Variants in NEBL observed in about 807,000 individuals in gnomAD.
NEBL encodes LIM and SH3 protein 2.
A neutral mutation model predicts 140.2 loss-of-function variants in NEBL; 122 were observed. That is an observed-to-expected ratio of 0.87 (90% CI 0.75 to 1.01). The LOEUF (loss-of-function observed/expected upper bound fraction) is 1.01, where lower values mean the gene tolerates loss of function less well. Ranked by LOEUF, NEBL falls within the 50% of genes least tolerant of loss-of-function variation. The probability of loss-of-function intolerance (pLI) is 0.00; values close to 1 mark genes in which losing one functional copy is unlikely to be tolerated. For missense variants in NEBL, 1,365 were observed against 1,231.3 expected (o/e 1.11, Z -1.62); for synonymous variants, 436 against 398.9 (o/e 1.09, Z -1.11).
At chr10:21,030,844 G>A in intron 2 of NEBL, 2 of 335,200 alleles carry the variant, frequency 6.0e-6, no homozygotes, top group East Asian at 1.6e-4. Flanking sequence ...TCTCCATGCA[G>A]GGGTGGTATT....
At chr10:21,244,853 TA>T (rs1156472946) in intron 3 of NEBL, among the ~76,000 whole-genome samples, 7 of 150,734 alleles carry the variant, frequency 4.6e-5, no homozygotes, top group Non-Finnish European at 8.8e-5. Flanking sequence ...CTCTAAAAAA[TA>T]AAAGTAAAAA....
intron 3 of NEBL, among the ~76,000 whole-genome samples, chr10:21,241,287 A>AAAAT (rs1554834614): frequency 1.4e-5 from 2 of 145,724 alleles, no homozygotes; most frequent in Non-Finnish European, 3.0e-5. Flanking sequence ...TAAATAAATA[A>AAAAT]AAATAAAAAT....
chr10:21,027,455 G>A (rs1833558384), intron 2 of NEBL, among the ~76,000 whole-genome samples: 1 of 151,814 alleles, frequency 6.6e-6, no homozygotes, highest in South Asian at 2.1e-4. Context: ...AGCCTCCTGA[G>A]TAGCTGGGAC....
chr10:21,255,936 C>T (rs1034265080), intron 1 of NEBL, among the ~76,000 whole-genome samples: 3 of 149,578 alleles, frequency 2.0e-5, no homozygotes, highest in East Asian at 2.0e-4. Flanking sequence ...GAGCTGAGAT[C>T]GCACCACTGC....
At chr10:20,953,912 C>T (rs11012413) in intron 4 of NEBL, among the ~76,000 whole-genome samples, 25,638 of 151,406 alleles carry the variant, frequency 0.17, 2,656 homozygotes, top group East Asian at 0.34. Flanking sequence ...TAGGCATAAC[C>T]GATCTTGCAT....
chr10:21,070,751 A>G (rs1442294608), intron 2 of NEBL, among the ~76,000 whole-genome samples: 1 of 152,204 alleles, frequency 6.6e-6, no homozygotes, highest in Non-Finnish European at 1.5e-5. Flanking sequence ...CTGTGCTTGA[A>G]TTTCTTCAGG....
intron 1 of NEBL, among the ~76,000 whole-genome samples, chr10:21,291,554 G>A (rs1055433695): frequency 8.6e-5 from 13 of 151,028 alleles, no homozygotes; most frequent in African/African-American, 2.7e-4. Context: ...CAGAAGTCAC[G>A]TGTTATCCTT....
At chr10:21,248,145 G>A (rs995441873) in intron 2 of NEBL, 3 of 197,186 alleles carry the variant, frequency 1.5e-5, no homozygotes, top group East Asian at 1.2e-4. Flanking sequence ...ATCATGGCTC[G>A]CTGCCCCCTC....
intron 3 of NEBL, among the ~76,000 whole-genome samples, chr10:21,018,202 C>G (rs1360984157): frequency 6.6e-6 from 1 of 152,106 alleles, no homozygotes; most frequent in Non-Finnish European, 1.5e-5. Flanking sequence ...TCCTCAGACA[C>G]CCTATAAATT....
At chr10:20,817,154 C>G (rs538313294) in intron 21 of NEBL, among the ~76,000 whole-genome samples, 1 of 152,010 alleles carries the variant, frequency 6.6e-6, no homozygotes. Context: ...CCAAGGTGGC[C>G]GGATTGCATG....
chr10:20,964,373 A>G (rs1470210534), intron 3 of NEBL, among the ~76,000 whole-genome samples: 3 of 152,188 alleles, frequency 2.0e-5, no homozygotes, highest in African/African-American at 7.2e-5. Context: ...TATTTGGCTT[A>G]TGGTTCTGTA....
intron 2 of NEBL, among the ~76,000 whole-genome samples, chr10:21,122,478 C>T (rs1472760960): frequency 6.6e-6 from 1 of 152,164 alleles, no homozygotes; most frequent in African/African-American, 2.4e-5. Flanking sequence ...TATTTAGGCT[C>T]ACTTGATTAA....
intron 2 of NEBL, among the ~76,000 whole-genome samples, chr10:21,063,172 A>G (rs746085274): frequency 3.3e-5 from 5 of 152,070 alleles, no homozygotes; most frequent in Non-Finnish European, 5.9e-5. Context: ...TGGCACTTAA[A>G]TGGCCCTCTT....
chr10:21,207,130 C>T (rs1841840550), intron 3 of NEBL, among the ~76,000 whole-genome samples: 1 of 151,860 alleles, frequency 6.6e-6, no homozygotes, highest in South Asian at 2.1e-4. Flanking sequence ...CCCACTACCA[C>T]GCCTGGCTAA....
intron 3 of NEBL, among the ~76,000 whole-genome samples, chr10:20,993,113 CAA>C (rs1430223089): frequency 6.6e-6 from 1 of 151,954 alleles, no homozygotes; most frequent in African/African-American, 2.4e-5. Context: ...GGGAGTTTTT[CAA>C]AGTCTTTTTA....
intron 9 of NEBL, among the ~76,000 whole-genome samples, chr10:20,855,152 C>T (rs1290768965): frequency 3.3e-5 from 5 of 151,388 alleles, no homozygotes; most frequent in Non-Finnish European, 5.9e-5. Flanking sequence ...ATCGCTTGAA[C>T]CTGGGAGCGG....
At chr10:20,855,183 C>T (rs191608228) in intron 9 of NEBL, among the ~76,000 whole-genome samples, 3 of 148,988 alleles carry the variant, frequency 2.0e-5, no homozygotes, top group Admixed American at 6.7e-5. Flanking sequence ...GAGCTGAGAT[C>T]GTGCCACTGC....
intron 5 of NEBL, among the ~76,000 whole-genome samples, chr10:20,872,742 C>T (rs544633634): frequency 1.6e-4 from 25 of 152,262 alleles, no homozygotes; most frequent in African/African-American, 5.3e-4. Flanking sequence ...ACCAAGATGG[C>T]GACGAGAGTG....
Position 21,197,991 on chromosome 10 carries a change from C to T in NEBL, n.349-25514G>A, listed in dbSNP as rs114960225. Among the ~76,000 whole-genome samples, 1,390 of 152,158 alleles carry T rather than the reference C, an allele frequency of 9.1e-3. 23 individuals carry two copies. The highest frequency in any genetic ancestry group is 0.032 in the African/African-American group (1,329 of 41,500). The stretch of plus-strand genomic sequence containing the variant: ...TGGATTTGAGGGTCTCCTCCTATCT[C>T]TTCCCTCAGCCACCCTGCAATCATG... On this transcript the variant is annotated intron_variant and non_coding_transcript_variant, in intron 3 of 8. Coordinates refer to the NEBL transcript ENST00000675702.
Sources: allele counts gnomAD v4.1 joint callset (sites outside exome capture counted in the v4.1 genomes callset), GRCh38; gene constraint gnomAD v4.1.1; transcripts MANE v1.5; gene names NCBI Gene and HGNC (gene_info 2026-07-23, HGNC 2026-07-21).